The following OOEP variants were observed in gnomAD, a reference collection of about 807,000 sequenced individuals.
The protein encoded by OOEP is oocyte expressed protein.
OOEP carries 16 observed loss-of-function variants against 13.7 expected under a neutral mutation model. That is an observed-to-expected ratio of 1.16 (90% CI 0.79 to 1.77). The LOEUF (loss-of-function observed/expected upper bound fraction) is 1.77, where lower values mean the gene tolerates loss of function less well. Among genes scored for constraint, OOEP ranks in the 40% most tolerant of loss-of-function variants. OOEP has a pLI of 0.00. For missense variants in OOEP, 195 were observed against 193.1 expected, an observed-to-expected ratio of 1.01 and a Z score of -0.06; for synonymous variants, 89 against 77.1, an observed-to-expected ratio of 1.15 and a Z score of -0.81.
chr6:73,382,985 C>T lies in OOEP; in HGVS notation c.25+11361G>A, dbSNP rs373174369. 5.1e-4 allele frequency among the ~76,000 whole-genome samples: 77 copies of T among 151,082 alleles called. 1 individual carries two copies. The highest frequency in any genetic ancestry group is 1.7e-3 in the African/African-American group (69 of 41,156). ...CCAAGTAACTGGAACTACAGGCATG[C>T]GCCACCATGCACGTCTAATTTTTGT... On this transcript the variant is annotated intron_variant, in intron 2 of 3. Coordinates refer to the OOEP transcript ENST00000370363.
chr6:73,389,125 G>C (rs1256440912), intron 2 of OOEP, among the ~76,000 whole-genome samples: 1 of 152,216 alleles, frequency 6.6e-6, no homozygotes, highest in Non-Finnish European at 1.5e-5. Context: ...TGCAGACCCG[G>C]GAGCTTTGAG....
Position 73,368,734 on chromosome 6 carries a change from A to T in OOEP, c.*50T>A, listed in dbSNP as rs1375568061. The T allele has an allele frequency of 8.0e-7, 1 of 1,251,646 alleles. No homozygotes were observed. 77.5% of individuals were successfully genotyped at this position (1,251,646 alleles called of 1,614,324 possible). On this transcript the variant is annotated 3_prime_UTR_variant, in exon 3 of 3. Transcript: ENST00000370359. ...GCTATACTTGCTTTTCTTCAACTTTAGCAGCAAAAGTTAGAAAGTTAAGAT... is the reference window on the plus strand; with the variant it reads ...GCTATACTTGCTTTTCTTCAACTTTTGCAGCAAAAGTTAGAAAGTTAAGAT...
At chr6:73,388,926 A>G (rs1473075390) in intron 2 of OOEP, among the ~76,000 whole-genome samples, 3 of 152,096 alleles carry the variant, frequency 2.0e-5, no homozygotes, top group Non-Finnish European at 2.9e-5. Context: ...AGTCGGAGGA[A>G]TAAGTTCTCG....
chr6:73,372,769 A>C (rs1389743730), upstream of OOEP, among the ~76,000 whole-genome samples: 1 of 152,134 alleles, frequency 6.6e-6, no homozygotes, highest in Non-Finnish European at 1.5e-5. Context: ...CATCTGGGTT[A>C]GCTTCTTGGG....
chr6:73,381,217 AAAAAAAAAAAAG>A (rs1285632833), intron 2 of OOEP, among the ~76,000 whole-genome samples: 1 of 110,904 alleles, frequency 9.0e-6, no homozygotes, highest in Admixed American at 8.8e-5. Flanking sequence ...AAAAAAAAAA[AAAAAAAAAAAAG>A]AAGAAGAAAA....
Position 73,368,673 on chromosome 6 carries a change from A to G in OOEP, c.*111T>C, listed in dbSNP as rs1015773653. On this transcript the variant is annotated 3_prime_UTR_variant, in exon 3 of 3. Coordinates refer to ENST00000370359, the MANE Select transcript of OOEP (RefSeq NM_001080507.3). Reference sequence around the variant, plus strand: ...GCAACAAAATAAACCACAATCCATCAAGACACAGGAAAAAGGAATACGGGG... The same window carrying G: ...GCAACAAAATAAACCACAATCCATCGAGACACAGGAAAAAGGAATACGGGG... The G allele has an allele frequency of 1.4e-6, 1 of 718,526 alleles. No individual in the cohort carries two copies. Among genetic ancestry groups the G allele is most frequent in the African/African-American group, 1.8e-5 (1 of 56,938 alleles). 44.5% of individuals were successfully genotyped at this position (718,526 alleles called of 1,614,324 possible). A position where few individuals can be genotyped will look rare whatever the true frequency, so the allele number is the denominator to read the frequency against.
At chr6:73,383,226 T>C (rs1489576843) in intron 2 of OOEP, among the ~76,000 whole-genome samples, 1 of 152,226 alleles carries the variant, frequency 6.6e-6, no homozygotes, top group Non-Finnish European at 1.5e-5. Context: ...TTGTAGAAAC[T>C]GATTCTAGTT....
In OOEP at chr6:73,369,241, C is replaced by G. The variant is rs968416869; in HGVS notation, c.335G>C (p.Cys112Ser). 7 of 1,613,552 alleles carry G rather than the reference C, an allele frequency of 4.3e-6. No individual in the cohort carries two copies. The highest frequency in any genetic ancestry group is 5.9e-6 in the Non-Finnish European group (7 of 1,179,678). Residue 112 changes from cysteine to serine, a missense_variant, in exon 2 of 3, where the codon TGC becomes TCC. Cys to Ser is a moderately radical substitution (Grantham distance 112). Transcript: ENST00000370359. ...VQNRVKSMLL[C>S]LAWFHREHRA... ...ATGTTCTCGGTGAAACCATGCCAGG[C>G]ACAGGAGCATGCTCTTCACCCGATT...
At chr6:73,389,702 G>T (rs1229295401) in intron 2 of OOEP, among the ~76,000 whole-genome samples, 1 of 147,662 alleles carries the variant, frequency 6.8e-6, no homozygotes, top group Non-Finnish European at 1.5e-5. Flanking sequence ...TGTGGGGTGG[G>T]GGGAGGGGGG....
chr6:73,379,415 G>A (rs954601237), intron 2 of OOEP, among the ~76,000 whole-genome samples: 2 of 151,216 alleles, frequency 1.3e-5, no homozygotes, highest in African/African-American at 2.4e-5. Context: ...AGGCCAAGGC[G>A]GGTGGATCAC....
intron 2 of OOEP, among the ~76,000 whole-genome samples, chr6:73,393,482 C>T (rs1769379712): frequency 6.6e-6 from 1 of 152,214 alleles, no homozygotes; most frequent in African/African-American, 2.4e-5. Flanking sequence ...GTATGTCCAG[C>T]CACAGAGCCA....
chr6:73,375,629 T>C (rs1386293781), intron 2 of OOEP, among the ~76,000 whole-genome samples: 9 of 148,428 alleles, frequency 6.1e-5, no homozygotes, highest in East Asian at 1.9e-4. Flanking sequence ...TTATATACAG[T>C]ATATATTTAT....
chr6:73,392,151 A>C (rs1048262419), intron 2 of OOEP, among the ~76,000 whole-genome samples: 2 of 152,220 alleles, frequency 1.3e-5, no homozygotes, highest in Non-Finnish European at 2.9e-5. Flanking sequence ...AAAAGTACAG[A>C]CCAGTATTTC....
upstream of OOEP, chr6:73,373,032 A>G: frequency 8.2e-7 from 1 of 1,214,608 alleles, no homozygotes; most frequent in South Asian, 1.2e-5. Flanking sequence ...TAGTGGTGAC[A>G]TTTTCAGCTT....
upstream of OOEP, among the ~76,000 whole-genome samples, chr6:73,370,486 AAAGGT>A (rs1769033405): frequency 6.6e-6 from 1 of 152,232 alleles, no homozygotes; most frequent in Admixed American, 6.5e-5. Context: ...TTGGATTATG[AAAGGT>A]TTCACACATC....
upstream of OOEP, among the ~76,000 whole-genome samples, chr6:73,371,750 C>CAA (rs1273873710): frequency 1.7e-3 from 204 of 119,926 alleles, 2 homozygotes; most frequent in African/African-American, 5.7e-3. Flanking sequence ...AACTCTGTCT[C>CAA]AAAAATAAAA....
chr6:73,369,915 C>T (rs994608858), upstream of OOEP: 24 of 869,132 alleles, frequency 2.8e-5, no homozygotes, highest in Non-Finnish European at 4.3e-5. Context: ...CCGGCGGCGC[C>T]TCGCACCGCG....
chr6:73,369,709 T>G lies in OOEP; in HGVS notation c.84A>C (p.Pro28=). ...GGATGCGAATCTGTGGCGGCGGAAGTGGTAACCTACGCAGCTGCTCCAGGG... is the reference window on the plus strand; with the variant it reads ...GGATGCGAATCTGTGGCGGCGGAAGGGGTAACCTACGCAGCTGCTCCAGGG... ...AHSLEQLRRL[P]LPPPQIRIRP... Residue 28 remains proline, a synonymous_variant, in exon 1 of 3, where the codon CCA becomes CCC. Coordinates refer to ENST00000370359, the MANE Select transcript of OOEP (RefSeq NM_001080507.3). The G allele has an allele frequency of 2.5e-6, 4 of 1,613,932 alleles. No individual in the cohort carries two copies. The highest frequency in any genetic ancestry group is 3.4e-6 in the Non-Finnish European group (4 of 1,179,866).
chr6:73,381,764 T>G (rs1298794048), intron 2 of OOEP, among the ~76,000 whole-genome samples: 2 of 152,082 alleles, frequency 1.3e-5, no homozygotes, highest in Admixed American at 6.6e-5. Context: ...GTGGATCACT[T>G]GAAGTCAGGA....
Sources: gnomAD v4.1 joint callset for allele counts (sites outside exome capture counted in the v4.1 genomes callset) on GRCh38, gnomAD v4.1.1 for gene constraint, MANE v1.5 for transcripts, NCBI Gene and HGNC (gene_info 2026-07-23, HGNC 2026-07-21) for gene names.